TMTC1: variants seen among roughly 807,000 people sequenced by gnomAD.
TMTC1 encodes transmembrane O-mannosyltransferase targeting cadherins 1.
Under a neutral mutation model 104.8 loss-of-function variants are expected in TMTC1, and 73 were observed. The observed-to-expected ratio is 0.70, with a 90% CI of 0.58 to 0.85. The LOEUF (loss-of-function observed/expected upper bound fraction) is 0.85, where lower values mean the gene tolerates loss of function less well. Ranked by LOEUF, TMTC1 falls within the 40% of genes least tolerant of loss-of-function variation. The pLI is 0.00. For synonymous variants in TMTC1, 434 were observed against 428.7 expected, an observed-to-expected ratio of 1.01 and a Z score of -0.15; for missense variants, 1,035 against 1,096.1, an observed-to-expected ratio of 0.94 and a Z score of 0.79.
chr12:29,520,246 T>C (rs1459720202), intron 12 of TMTC1, among the ~76,000 whole-genome samples: 1 of 152,180 alleles, frequency 6.6e-6, no homozygotes, highest in African/African-American at 2.4e-5. Flanking sequence ...TATAGAAAAG[T>C]ATTTACCATC....
At chr12:29,617,517 CA>C (rs1400776146) in intron 6 of TMTC1, among the ~76,000 whole-genome samples, 2 of 143,766 alleles carry the variant, frequency 1.4e-5, no homozygotes, top group African/African-American at 5.2e-5. Context: ...GGGAAAACAT[CA>C]GTAAGCAAAA....
chr12:29,727,305 A>G (rs1424278944), intron 5 of TMTC1, among the ~76,000 whole-genome samples: 2 of 152,170 alleles, frequency 1.3e-5, no homozygotes, highest in Non-Finnish European at 2.9e-5. Flanking sequence ...GGAGCCCCCA[A>G]CTCACAGAGA....
chr12:29,647,892 T>C (rs1939339337), intron 5 of TMTC1, among the ~76,000 whole-genome samples: 1 of 152,198 alleles, frequency 6.6e-6, no homozygotes, highest in East Asian at 1.9e-4. Context: ...TTCCATCAAG[T>C]GTAGGCTGCT....
At chr12:29,620,527 G>A (rs1947103909) in intron 6 of TMTC1, among the ~76,000 whole-genome samples, 2 of 152,242 alleles carry the variant, frequency 1.3e-5, no homozygotes, top group African/African-American at 2.4e-5. Flanking sequence ...GTCTGATACA[G>A]TATGTATCAC....
intron 11 of TMTC1, chr12:29,533,542 A>G (rs535119749): frequency 6.6e-6 from 1 of 152,346 alleles, no homozygotes; most frequent in South Asian, 2.1e-4. Context: ...GCTAGAGGAT[A>G]ATATAATTCA....
rs570716387 is a variant in TMTC1 at position 29,705,522 on chromosome 12, C to T, written c.938+46144G>A. Among the ~76,000 whole-genome samples the T allele has an allele frequency of 2.6e-5, 4 of 152,102 alleles. No homozygotes were observed. In the South Asian group the frequency reaches 8.3e-4, roughly 32 times the overall value. On this transcript the variant is annotated intron_variant, in intron 5 of 17. Coordinates refer to ENST00000539277, the MANE Select transcript of TMTC1 (RefSeq NM_001193451.2). The stretch of plus-strand genomic sequence containing the variant: ...TGGAGACGCATCAGTGGAGAGGGCA[C>T]CCACTGAAATCTGCACAGCAAATCT...
intron 5 of TMTC1, among the ~76,000 whole-genome samples, chr12:29,677,743 T>G (rs770747504): frequency 6.6e-6 from 1 of 152,246 alleles, no homozygotes; most frequent in Non-Finnish European, 1.5e-5. Flanking sequence ...CCATTAGTGA[T>G]GTAGCAGCCA....
At chr12:29,614,627 G>A (rs1832206645) in intron 6 of TMTC1, among the ~76,000 whole-genome samples, 1 of 152,126 alleles carries the variant, frequency 6.6e-6, no homozygotes, top group Admixed American at 6.6e-5. Context: ...TCAGAGCATG[G>A]GAGATGCATG....
chr12:29,518,496 C>T lies in TMTC1; in HGVS notation c.2000G>A (p.Ser667Asn). The T allele has an allele frequency of 6.2e-7, 1 of 1,614,076 alleles. No individual in the cohort carries two copies. The highest frequency in any genetic ancestry group is 8.5e-7 in the Non-Finnish European group (1 of 1,179,950). The stretch of plus-strand genomic sequence containing the variant: ...CCGCTTGTACCATTCTTCAGCCATG[C>T]TGTTCTCTCCCAGTGACCTGTAGAG... Reference protein sequence around the residue: ...GRLYRSLGENSMAEEWYKRAL... With the variant: ...GRLYRSLGENNMAEEWYKRAL... Residue 667 changes from serine to asparagine, a missense_variant, in exon 13 of 18, where the codon AGC (serine) becomes AAC (asparagine). Coordinates refer to ENST00000539277, the MANE Select transcript of TMTC1 (RefSeq NM_001193451.2).
chr12:29,604,160 G>A lies in TMTC1; in HGVS notation c.1250+18C>T, dbSNP rs1487860473. 3 of 1,612,778 alleles carry A rather than the reference G, an allele frequency of 1.9e-6. No individual in the cohort carries two copies. Among genetic ancestry groups the A allele is most frequent in the Non-Finnish European group, 1.7e-6 (2 of 1,179,126 alleles). On this transcript the variant is annotated intron_variant, in intron 7 of 17. Transcript: ENST00000539277. ...CAGAGGGCAGGTCTTGTAGGAGGAA[G>A]TCACGTGCAATAGTTACCTAGGCAT...
At chr12:29,685,041 A>G (rs1370685834) in intron 5 of TMTC1, among the ~76,000 whole-genome samples, 1 of 152,180 alleles carries the variant, frequency 6.6e-6, no homozygotes, top group South Asian at 2.1e-4. Flanking sequence ...TTAATTGGGC[A>G]TAGGATGATA....
chr12:29,568,925 G>A (rs1021150300), intron 9 of TMTC1: 21 of 455,910 alleles, frequency 4.6e-5, no homozygotes, highest in Non-Finnish European at 8.8e-5. Flanking sequence ...GGAGGTCTAT[G>A]GCAGATCTGT....
In TMTC1 at chr12:29,767,334, T is replaced by C. The variant is rs529812435; in HGVS notation, c.480+564A>G. On this transcript the variant is annotated intron_variant, in intron 2 of 17. Transcript: ENST00000539277. ...TAACTTGGGAAACAGTATGTAAGGC[T>C]CCTAAGTCTGTCTTTCTAACTTGAA... 6.1e-4 allele frequency among the ~76,000 whole-genome samples: 93 copies of C among 152,330 alleles called. 1 individual carries two copies. Among genetic ancestry groups the C allele is most frequent in the African/African-American group, 2.1e-3 (87 of 41,580 alleles).
intron 5 of TMTC1, among the ~76,000 whole-genome samples, chr12:29,692,445 G>A (rs543594269): frequency 6.9e-6 from 1 of 144,750 alleles, no homozygotes; most frequent in Non-Finnish European, 1.5e-5. Context: ...TAGTCAAAAT[G>A]AGATACCACT....
At chr12:29,509,188 T>C (rs1943766969) in intron 17 of TMTC1, among the ~76,000 whole-genome samples, 1 of 152,212 alleles carries the variant, frequency 6.6e-6, no homozygotes, top group South Asian at 2.1e-4. Context: ...AGAAAATGCA[T>C]ATTTACTGTC....
intron 5 of TMTC1, among the ~76,000 whole-genome samples, chr12:29,721,756 T>A (rs1158337792): frequency 1.3e-5 from 2 of 152,110 alleles, no homozygotes; most frequent in Non-Finnish European, 2.9e-5. Context: ...GAAAAACTAT[T>A]GACAACCCTA....
At chr12:29,623,526 T>C (rs1212914688) in intron 6 of TMTC1, among the ~76,000 whole-genome samples, 12 of 152,130 alleles carry the variant, frequency 7.9e-5, no homozygotes, top group Admixed American at 7.9e-4. Flanking sequence ...TTAATATTAG[T>C]AAAAGAGGCC....
chr12:29,723,622 G>A (rs749854774), intron 5 of TMTC1, among the ~76,000 whole-genome samples: 3 of 152,000 alleles, frequency 2.0e-5, no homozygotes, highest in Non-Finnish European at 4.4e-5. Flanking sequence ...TGAGGTAGAT[G>A]GATCGCAGGA....
At chr12:29,567,020 G>A (rs10400534) in intron 9 of TMTC1, among the ~76,000 whole-genome samples, 90,908 of 152,010 alleles carry the variant, frequency 0.6, 28,202 homozygotes, top group South Asian at 0.69. Flanking sequence ...CTAGACTCCC[G>A]TCCTGGATGC....
Sources: allele counts gnomAD v4.1 joint callset (sites outside exome capture counted in the v4.1 genomes callset), GRCh38; gene constraint gnomAD v4.1.1; transcripts MANE v1.5; gene names NCBI Gene and HGNC (gene_info 2026-07-23, HGNC 2026-07-21).